RAPGEF1: variants seen among roughly 807,000 people sequenced by gnomAD.
The protein encoded by RAPGEF1 is Rap guanine nucleotide exchange factor 1, also known as CRK SH3-binding GNRP.
Under a neutral mutation model 143.3 loss-of-function variants are expected in RAPGEF1, and 33 were observed. The observed-to-expected ratio is 0.23, with a 90% CI of 0.17 to 0.31. The LOEUF (loss-of-function observed/expected upper bound fraction) is 0.31. Among genes scored for constraint, RAPGEF1 ranks in the 10% least tolerant of loss-of-function variants. The pLI, the probability that RAPGEF1 is intolerant of heterozygous loss-of-function variation, is 1.00. For missense variants in RAPGEF1, 1,199 were observed against 1,645.4 expected (o/e 0.73, Z 4.69); for synonymous variants, 629 against 676.5 (o/e 0.93, Z 1.09).
At chr9:131,657,003 T>C (rs1451984105) in intron 1 of RAPGEF1, among the ~76,000 whole-genome samples, 4 of 152,164 alleles carry the variant, frequency 2.6e-5, no homozygotes, top group Non-Finnish European at 5.9e-5. Flanking sequence ...CAACCAACCT[T>C]CTCAACGCTG....
At chr9:131,596,471 T>C in intron 16 of RAPGEF1, 98 bp from the exon 17 acceptor site, 2 of 1,225,218 alleles carry the variant, frequency 1.6e-6, no homozygotes, top group Non-Finnish European at 2.4e-6. Context: ...CAAAATGCCC[T>C]GCAACCCCAA....
chr9:131,668,870 C>T (rs549307488), intron 1 of RAPGEF1, among the ~76,000 whole-genome samples: 6 of 152,348 alleles, frequency 3.9e-5, no homozygotes, highest in East Asian at 1.9e-4. Flanking sequence ...AGCCCTCCCC[C>T]GGCCTTTGTC....
chr9:131,674,594 G>A (rs1177224189), intron 1 of RAPGEF1, among the ~76,000 whole-genome samples: 1 of 152,196 alleles, frequency 6.6e-6, no homozygotes, highest in African/African-American at 2.4e-5. Context: ...GGGCGGCTAG[G>A]GCTGGAGCTC....
intron 1 of RAPGEF1, among the ~76,000 whole-genome samples, chr9:131,651,685 CT>C (rs937362720): frequency 2.0e-5 from 3 of 152,202 alleles, no homozygotes; most frequent in African/African-American, 7.2e-5. Flanking sequence ...AACTTTTGCA[CT>C]ACAAATACTA....
At chr9:131,653,998 A>G (rs1195098315) in intron 1 of RAPGEF1, among the ~76,000 whole-genome samples, 2 of 152,264 alleles carry the variant, frequency 1.3e-5, no homozygotes, top group Admixed American at 1.3e-4. Context: ...CCTTGAAAAC[A>G]TTATTTAAGC....
intron 3 of RAPGEF1, among the ~76,000 whole-genome samples, chr9:131,643,670 C>G (rs1426828421): frequency 6.6e-6 from 1 of 152,178 alleles, no homozygotes; most frequent in Non-Finnish European, 1.5e-5. Context: ...ACCCTGAGGT[C>G]TTGAAAACCA....
At chr9:131,590,075 G>T in intron 18 of RAPGEF1, 97 bp from the exon 19 acceptor site, 3 of 1,079,318 alleles carry the variant, frequency 2.8e-6, no homozygotes, top group Non-Finnish European at 4.2e-6. Context: ...CTCACAATGT[G>T]CCCATCTTCC....
intron 9 of RAPGEF1, among the ~76,000 whole-genome samples, chr9:131,627,538 G>A (rs1013736915): frequency 2.6e-5 from 4 of 152,182 alleles, no homozygotes; most frequent in Admixed American, 1.3e-4. Context: ...AGGCCGGCTC[G>A]CGCGGCTCCC....
chr9:131,708,896 C>T (rs1444355545), intron 1 of RAPGEF1, among the ~76,000 whole-genome samples: 2 of 152,150 alleles, frequency 1.3e-5, no homozygotes. Flanking sequence ...CCAGGCCTGG[C>T]TAATTTTTGT....
At chr9:131,654,578 TG>T (rs1170192250) in intron 1 of RAPGEF1, among the ~76,000 whole-genome samples, 3 of 152,198 alleles carry the variant, frequency 2.0e-5, no homozygotes, top group Non-Finnish European at 1.5e-5. Context: ...GGTGCAGACC[TG>T]TAGTCCCAGC....
rs1265004171 is a variant in RAPGEF1 at position 131,605,262 on chromosome 9, G to A, written c.2062-74C>T. The A allele has an allele frequency of 8.5e-6, 10 of 1,171,780 alleles. No homozygotes were observed. The Admixed American group carries it at 9.2e-5, about 11-fold the overall frequency. The allele number at this position is 1,171,780 out of a possible 1,614,324, so 72.6% of individuals were successfully genotyped here. On this transcript the variant is annotated intron_variant, in intron 12 of 26. Transcript: ENST00000683357. ...AAGAGAAAAAGTAATTAGATTGGCA[G>A]TAGCTGAGCAGTGACAGGCCGTTCA...
chr9:131,713,263 G>T lies in RAPGEF1; in HGVS notation c.61+26507C>A, dbSNP rs1033070650. 4.6e-5 allele frequency among the ~76,000 whole-genome samples: 7 copies of T among 152,246 alleles called. No individual in the cohort carries two copies. The South Asian group carries it at 1.5e-3, about 32-fold the overall frequency. ...ATGTGTTATCAAGGTCACTCCTTCA[G>T]GTATGACTACTCCAAGCCTCAAATC... On this transcript the variant is annotated intron_variant, in intron 1 of 26. Transcript: ENST00000683357.
At chr9:131,717,260 G>A (rs1372349928) in intron 1 of RAPGEF1, among the ~76,000 whole-genome samples, 1 of 152,208 alleles carries the variant, frequency 6.6e-6, no homozygotes, top group African/African-American at 2.4e-5. Flanking sequence ...TGAGCTGCAT[G>A]AGGATGAACA....
At chr9:131,582,098 A>G (rs987438249) in intron 25 of RAPGEF1, among the ~76,000 whole-genome samples, 6 of 152,180 alleles carry the variant, frequency 3.9e-5, no homozygotes, top group Admixed American at 6.5e-5. Flanking sequence ...TATGAAACAC[A>G]TATTTCCTCT....
chr9:131,605,109 G>T lies in RAPGEF1; in HGVS notation c.2141C>A (p.Thr714Asn). 7.3e-7 allele frequency: 1 copy of T among 1,364,888 alleles called. No homozygotes were observed. The highest frequency in any genetic ancestry group is 9.8e-7 in the Non-Finnish European group (1 of 1,021,242). The allele number at this position is 1,364,888 out of a possible 1,614,324, so 84.5% of individuals were successfully genotyped here. A position where few individuals can be genotyped will look rare whatever the true frequency, so the allele number is the denominator to read the frequency against. Residue 714 changes from threonine to asparagine, a missense_variant, in exon 13 of 27, where the codon ACC becomes AAC. By Grantham distance (65) the Thr-to-Asn change is moderately conservative. This residue lies in a region of RAPGEF1 where 293 missense variants were observed against 356.2 expected (regional missense o/e 0.82). Coordinates refer to ENST00000683357, the MANE Select transcript of RAPGEF1 (RefSeq NM_001377935.1). ...TGGGAAATGTGGAGAGGAAGAGGAG[G>T]TAGGCGGAAGGAAAGGCGGAACGGA... ...QASVPPFLPP[T>N]SSSSPHFPPA... is the part of the protein sequence containing the mutation.
At chr9:131,601,980 C>A (rs1956341599) in intron 15 of RAPGEF1, 81 bp downstream of exon 15, 2 of 963,024 alleles carry the variant, frequency 2.1e-6, no homozygotes, top group African/African-American at 4.3e-5. Context: ...TAGGGGCTAG[C>A]TGGGAGAGGC....
chr9:131,647,035 C>T (rs1268367379), intron 3 of RAPGEF1, among the ~76,000 whole-genome samples: 1 of 152,156 alleles, frequency 6.6e-6, no homozygotes, highest in African/African-American at 2.4e-5. Flanking sequence ...TTAACACCTC[C>T]CAGGACCCCC....
At chr9:131,698,261 C>T (rs186996542) in intron 1 of RAPGEF1, among the ~76,000 whole-genome samples, 7 of 152,228 alleles carry the variant, frequency 4.6e-5, no homozygotes, top group African/African-American at 1.7e-4. Flanking sequence ...GGAGGAGGGG[C>T]CCTCTAGTCT....
intron 1 of RAPGEF1, among the ~76,000 whole-genome samples, chr9:131,701,423 C>T (rs1417130653): frequency 1.3e-5 from 2 of 152,142 alleles, no homozygotes; most frequent in East Asian, 1.9e-4. Flanking sequence ...AAGAAAAAAC[C>T]GATTTCCAGG....
Sources: allele counts gnomAD v4.1 joint callset (sites outside exome capture counted in the v4.1 genomes callset), GRCh38; gene constraint gnomAD v4.1.1; regional missense constraint gnomAD v4.1.1; transcripts MANE v1.5; gene names NCBI Gene and HGNC (gene_info 2026-07-23, HGNC 2026-07-21).